ZNF487: variants seen among roughly 807,000 people sequenced by gnomAD.
ZNF487 encodes zinc finger protein 487.
ZNF487 carries 4 observed loss-of-function variants against 3.0 expected under a neutral mutation model. That is an observed-to-expected ratio of 1.35 (90% CI 0.66 to 3.08). The LOEUF is 3.08. Ranked by LOEUF, ZNF487 falls within the 30% of genes most tolerant of loss-of-function variation. The pLI is 0.01. For synonymous variants in ZNF487, 55 were observed against 34.6 expected (o/e 1.59, Z -2.06); for missense variants, 146 against 98.7 (o/e 1.48, Z -2.03).
At chr10:43,450,974 T>C (rs1363298095) in intron 1 of ZNF487, among the ~76,000 whole-genome samples, 1 of 152,014 alleles carries the variant, frequency 6.6e-6, no homozygotes, top group Non-Finnish European at 1.5e-5. Context: ...TGAGATGGAG[T>C]TTCGCTCTTG....
intron 1 of ZNF487, among the ~76,000 whole-genome samples, chr10:43,456,263 G>T (rs1001335522): frequency 6.6e-6 from 1 of 152,186 alleles, no homozygotes; most frequent in Non-Finnish European, 1.5e-5. Context: ...GGCCAGATCC[G>T]AGTTTCTAAA....
intron 1 of ZNF487, among the ~76,000 whole-genome samples, chr10:43,459,674 A>T (rs1840348495): frequency 6.6e-6 from 1 of 152,000 alleles, no homozygotes; most frequent in South Asian, 2.1e-4. Context: ...TCAGTCTCCC[A>T]GGTAGCTGGA....
chr10:43,437,722 G>C (rs982563876), intron 1 of ZNF487, among the ~76,000 whole-genome samples: 1 of 152,150 alleles, frequency 6.6e-6, no homozygotes, highest in Admixed American at 6.6e-5. Flanking sequence ...TCCTTCTGAG[G>C]AAATAGTTGC....
At chr10:43,447,430 C>T (rs965909126) in intron 1 of ZNF487, among the ~76,000 whole-genome samples, 2 of 151,974 alleles carry the variant, frequency 1.3e-5, no homozygotes, top group African/African-American at 2.4e-5. Flanking sequence ...TTAGTAAAGA[C>T]GGGGTTTCAC....
chr10:43,504,825 G>A, the ZNF487 span, among the ~76,000 whole-genome samples: 1 of 151,354 alleles, frequency 6.6e-6, no homozygotes, highest in African/African-American at 2.4e-5. Flanking sequence ...TCATGCCTCA[G>A]CCTCCTGAGT....
chr10:43,454,678 AT>A (rs1352843077), intron 1 of ZNF487: 17 of 152,202 alleles, frequency 1.1e-4, no homozygotes, highest in African/African-American at 3.6e-4. Context: ...TGATGTACTT[AT>A]GCTGTTAAAT....
chr10:43,500,651 A>G, the ZNF487 span, among the ~76,000 whole-genome samples: 1 of 148,444 alleles, frequency 6.7e-6, no homozygotes, highest in South Asian at 2.1e-4. Flanking sequence ...ACAGGCGCAC[A>G]CCACCATGCC....
chr10:43,446,186 T>C (rs1394882798), intron 1 of ZNF487, among the ~76,000 whole-genome samples: 2 of 152,192 alleles, frequency 1.3e-5, no homozygotes, highest in Admixed American at 6.6e-5. Context: ...CTCAATGAGC[T>C]GTTGGGTACA....
chr10:43,491,465 T>C, the ZNF487 span, among the ~76,000 whole-genome samples: 1 of 151,610 alleles, frequency 6.6e-6, no homozygotes, highest in East Asian at 1.9e-4. Context: ...GCCACCAACA[T>C]GCCAGTGACT....
chr10:43,459,949 C>T (rs1026381696), intron 1 of ZNF487, among the ~76,000 whole-genome samples: 2 of 151,718 alleles, frequency 1.3e-5, no homozygotes, highest in Non-Finnish European at 2.9e-5. Flanking sequence ...CTACAGGCGC[C>T]TGCCACCACG....
chr10:43,447,372 G>A (rs1017817800), intron 1 of ZNF487, among the ~76,000 whole-genome samples: 2 of 152,098 alleles, frequency 1.3e-5, no homozygotes, highest in East Asian at 3.9e-4. Context: ...CCTCCTGAGA[G>A]CTGGGATTAC....
chr10:43,518,454 A>T, the ZNF487 span, among the ~76,000 whole-genome samples: 1 of 152,140 alleles, frequency 6.6e-6, no homozygotes, highest in African/African-American at 2.4e-5. Flanking sequence ...GACTGTCTTC[A>T]TTGGCCATAA....
chr10:43,473,580 G>C (rs192295952), intron 1 of ZNF487, among the ~76,000 whole-genome samples: 1 of 149,312 alleles, frequency 6.7e-6, no homozygotes, highest in Non-Finnish European at 1.5e-5. Context: ...GTGCAGTGGC[G>C]CGATCTCAGC....
chr10:43,453,935 A>C (rs1253430826), intron 1 of ZNF487: 2 of 152,106 alleles, frequency 1.3e-5, no homozygotes, highest in African/African-American at 2.4e-5. Context: ...AATTTATATA[A>C]ATTTAAAATA....
intron 1 of ZNF487, among the ~76,000 whole-genome samples, chr10:43,442,506 C>A (rs536188741): frequency 6.6e-6 from 1 of 152,016 alleles, no homozygotes; most frequent in South Asian, 2.1e-4. Context: ...TGCAGTGGCA[C>A]GATCTCGGCT....
chr10:43,510,498 C>T, the ZNF487 span, among the ~76,000 whole-genome samples: 1 of 152,160 alleles, frequency 6.6e-6, no homozygotes. Flanking sequence ...AGACTGATTC[C>T]ATCTTGATAA....
At chr10:43,484,409 C>T (rs1841452457), downstream of ZNF487, among the ~76,000 whole-genome samples, 1 of 151,738 alleles carries the variant, frequency 6.6e-6, no homozygotes, top group South Asian at 2.1e-4. Flanking sequence ...GAGTTCGAGA[C>T]CAGCCTGGCC....
chr10:43,467,883 A>C (rs899441339), intron 1 of ZNF487, among the ~76,000 whole-genome samples: 1 of 152,062 alleles, frequency 6.6e-6, no homozygotes, highest in Non-Finnish European at 1.5e-5. Flanking sequence ...GATCCCTCTG[A>C]TGGATCTGGG....
At chr10:43,510,889 C>A in the ZNF487 span, among the ~76,000 whole-genome samples, 27 of 152,178 alleles carry the variant, frequency 1.8e-4, no homozygotes, top group African/African-American at 6.5e-4. Flanking sequence ...GTAGAAGAAG[C>A]CCAAAGTGTT....
Sources: gnomAD v4.1 joint callset for allele counts (sites outside exome capture counted in the v4.1 genomes callset) on GRCh38, gnomAD v4.1.1 for gene constraint, MANE v1.5 for transcripts, NCBI Gene and HGNC (gene_info 2026-07-23, HGNC 2026-07-21) for gene names.